Variants in CSMD1 observed in about 807,000 individuals in gnomAD.
CSMD1 encodes CUB and Sushi multiple domains 1, also known as CUB and sushi domain-containing protein 1.
A neutral mutation model predicts 417.5 loss-of-function variants in CSMD1; 213 were observed. That is an observed-to-expected ratio of 0.51 (90% CI 0.46 to 0.57). The LOEUF (loss-of-function observed/expected upper bound fraction) is 0.57. Among genes scored for constraint, CSMD1 ranks in the 20% least tolerant of loss-of-function variants. CSMD1 has a pLI of 0.00. For missense variants in CSMD1, 6,923 were observed against 4,529.7 expected (o/e 1.53, Z -15.17); for synonymous variants, 2,862 against 1,736.8 (o/e 1.65, Z -16.11).
At chr8:4,989,844 T>A (rs1403691559) in intron 1 of CSMD1, among the ~76,000 whole-genome samples, 1 of 152,224 alleles carries the variant, frequency 6.6e-6, no homozygotes, top group Admixed American at 6.5e-5. Flanking sequence ...TTTATCTGTT[T>A]CTTAAAGGAA....
chr8:4,634,962 C>T (rs142088244), intron 2 of CSMD1, among the ~76,000 whole-genome samples: 1 of 152,180 alleles, frequency 6.6e-6, no homozygotes, highest in Admixed American at 6.5e-5. Context: ...ACTCTGCACT[C>T]CTCGAACGTC....
chr8:3,296,040 C>T (rs534425237), intron 25 of CSMD1, among the ~76,000 whole-genome samples: 4 of 151,852 alleles, frequency 2.6e-5, no homozygotes, highest in Admixed American at 6.6e-5. Context: ...ACAGGCAGTC[C>T]ACAGCACCCA....
intron 5 of CSMD1, among the ~76,000 whole-genome samples, chr8:3,777,829 G>A (rs544587716): frequency 2.7e-5 from 4 of 150,204 alleles, no homozygotes; most frequent in Non-Finnish European, 4.4e-5. Flanking sequence ...CTCCAGACCC[G>A]CAGCCTCCTT....
intron 1 of CSMD1, among the ~76,000 whole-genome samples, chr8:4,702,900 A>C (rs944861225): frequency 2.0e-5 from 3 of 152,170 alleles, no homozygotes; most frequent in Non-Finnish European, 4.4e-5. Flanking sequence ...TTAATTATGA[A>C]TTTTCATCAT....
intron 1 of CSMD1, among the ~76,000 whole-genome samples, chr8:4,749,605 T>C (rs1388502642): frequency 6.6e-6 from 1 of 152,242 alleles, no homozygotes; most frequent in African/African-American, 2.4e-5. Flanking sequence ...AGGATAATTA[T>C]CTGTTCTTGG....
chr8:4,283,980 C>T (rs187573117), intron 3 of CSMD1, among the ~76,000 whole-genome samples: 11 of 152,174 alleles, frequency 7.2e-5, no homozygotes, highest in South Asian at 4.2e-4. Context: ...CACTTGTAAT[C>T]GTAGCACTTT....
intron 5 of CSMD1, among the ~76,000 whole-genome samples, chr8:3,940,726 C>G (rs1415223863): frequency 1.3e-5 from 2 of 151,782 alleles, no homozygotes; most frequent in Non-Finnish European, 1.5e-5. Flanking sequence ...TACTAGCATT[C>G]ATTTTTAAAG....
In CSMD1 at chr8:4,010,307, C is replaced by G. The variant is rs547792713; in HGVS notation, c.611-12197G>C. ...TCTCTTGCCATAATAATCTGGCACC[C>G]TCTGCCTTGTAGTCATCTACAAACC... On this transcript the variant is annotated intron_variant, in intron 4 of 69. Coordinates refer to ENST00000635120, the MANE Select transcript of CSMD1 (RefSeq NM_033225.6). Among the ~76,000 whole-genome samples, 8 of 152,216 alleles carry G rather than the reference C, an allele frequency of 5.3e-5. No homozygotes were observed. In the East Asian group the frequency reaches 1.6e-3, roughly 29 times the overall value.
In CSMD1 at chr8:3,369,333, T is replaced by C. The variant is rs748438244; in HGVS notation, c.2820A>G (p.Thr940=). The change falls in exon 19 of 70, where the codon ACA becomes ACG. Residue 940 remains threonine, a synonymous_variant. Coordinates refer to ENST00000635120, the MANE Select transcript of CSMD1 (RefSeq NM_033225.6). ...CGGYIQGKSG[T]VLSPGFPDFY... is the part of the protein sequence containing the mutation. ...AATCTGGAAACCCAGGAGAAAGGAC[T>C]GTTCCACTCTTCCCTTGGATGTAGC... 1.2e-6 allele frequency: 2 copies of C among 1,602,804 alleles called. No individual in the cohort carries two copies. The highest frequency in any genetic ancestry group is 1.7e-6 in the Non-Finnish European group (2 of 1,170,188).
intron 3 of CSMD1, among the ~76,000 whole-genome samples, chr8:4,097,977 C>G (rs1801109145): frequency 6.6e-6 from 1 of 152,076 alleles, no homozygotes; most frequent in Non-Finnish European, 1.5e-5. Flanking sequence ...TTTTTAGAAT[C>G]TGTGGATCAG....
At chr8:3,363,695 T>C (rs949012264) in intron 20 of CSMD1, among the ~76,000 whole-genome samples, 1 of 152,108 alleles carries the variant, frequency 6.6e-6, no homozygotes, top group Non-Finnish European at 1.5e-5. Flanking sequence ...GGCTTTTGAA[T>C]GAAGAGAAAA....
chr8:4,624,523 G>A (rs187326556), intron 2 of CSMD1, among the ~76,000 whole-genome samples: 6 of 152,196 alleles, frequency 3.9e-5, no homozygotes, highest in Admixed American at 3.9e-4. Flanking sequence ...CATTGCCTTT[G>A]GCCTGCACTG....
intron 2 of CSMD1, among the ~76,000 whole-genome samples, chr8:4,592,268 G>T (rs958676049): frequency 6.6e-6 from 1 of 151,126 alleles, no homozygotes; most frequent in African/African-American, 2.4e-5. Flanking sequence ...GTCCAGGAGG[G>T]TATTACAGAA....
chr8:4,641,927 T>G (rs898551971), intron 1 of CSMD1, among the ~76,000 whole-genome samples: 3 of 152,212 alleles, frequency 2.0e-5, no homozygotes, highest in Non-Finnish European at 4.4e-5. Context: ...AGATAATTAT[T>G]GCTAACATTT....
rs764226516 is a variant in CSMD1, at chr8:3,913,477, C to T, written c.818+84426G>A. ...ACCTCCAGACTGGAAGAAGCAAGCC[C>T]TTGGAATGTGTCCCAGAAGTGAACA... On this transcript the variant is annotated intron_variant, in intron 5 of 69. Transcript: ENST00000635120. 2.0e-5 allele frequency among the ~76,000 whole-genome samples: 3 copies of T among 152,118 alleles called. 1 individual carries two copies. The highest frequency in any genetic ancestry group is 1.3e-4 in the Admixed American group (2 of 15,264).
At chr8:3,218,598 A>G (rs7006953) in intron 29 of CSMD1, among the ~76,000 whole-genome samples, 40,538 of 145,644 alleles carry the variant, frequency 0.28, 5,832 homozygotes, top group African/African-American at 0.32. Flanking sequence ...TTGGCTGGGC[A>G]CGGTGACTCA....
chr8:4,033,715 C>T (rs1261841398), intron 3 of CSMD1, among the ~76,000 whole-genome samples: 1 of 152,200 alleles, frequency 6.6e-6, no homozygotes, highest in Admixed American at 6.5e-5. Flanking sequence ...CACAGTTTGA[C>T]TCTTTTCATT....
At chr8:2,954,684 C>A (rs772857604) in intron 64 of CSMD1, among the ~76,000 whole-genome samples, 2 of 152,158 alleles carry the variant, frequency 1.3e-5, no homozygotes, top group Non-Finnish European at 2.9e-5. Flanking sequence ...TTATACGTTA[C>A]TACTGAAAAA....
At chr8:3,319,679 T>G (rs1304263360) in intron 23 of CSMD1, among the ~76,000 whole-genome samples, 2 of 148,538 alleles carry the variant, frequency 1.3e-5, no homozygotes, top group Admixed American at 6.7e-5. Flanking sequence ...AGATTATTTG[T>G]TTTTTTTTGC....
Sources: allele counts gnomAD v4.1 joint callset (sites outside exome capture counted in the v4.1 genomes callset), GRCh38; gene constraint gnomAD v4.1.1; transcripts MANE v1.5; gene names NCBI Gene and HGNC (gene_info 2026-07-23, HGNC 2026-07-21).